GLG1: variants seen among roughly 807,000 people sequenced by gnomAD.
GLG1 encodes Golgi apparatus protein 1.
GLG1 carries 38 observed loss-of-function variants against 160.5 expected under a neutral mutation model. That is an observed-to-expected ratio of 0.24 (90% CI 0.18 to 0.31). GLG1 has a LOEUF of 0.31. Ranked by LOEUF, GLG1 falls within the 10% of genes least tolerant of loss-of-function variation. The pLI, the probability that GLG1 is intolerant of heterozygous loss-of-function variation, is 1.00. For missense variants in GLG1, 1,373 were observed against 1,505.2 expected, an observed-to-expected ratio of 0.91 and a Z score of 1.45; for synonymous variants, 644 against 543.4, an observed-to-expected ratio of 1.19 and a Z score of -2.57.
intron 25 of GLG1, among the ~76,000 whole-genome samples, chr16:74,456,025 A>G (rs1221844886): frequency 1.3e-5 from 2 of 152,210 alleles, no homozygotes; most frequent in African/African-American, 2.4e-5. Context: ...AGTGTCCTAC[A>G]GTCTTTCTTC....
intron 1 of GLG1, among the ~76,000 whole-genome samples, chr16:74,548,002 C>T (rs1411744499): frequency 6.6e-6 from 1 of 152,238 alleles, no homozygotes; most frequent in Non-Finnish European, 1.5e-5. Context: ...TCAGTCGCGG[C>T]TCACTGCAAC....
intron 1 of GLG1, among the ~76,000 whole-genome samples, chr16:74,564,496 T>A (rs1018455615): frequency 6.6e-6 from 1 of 152,226 alleles, no homozygotes; most frequent in East Asian, 1.9e-4. Context: ...CAGCCATCTA[T>A]GTAAGTTCAA....
intron 1 of GLG1, among the ~76,000 whole-genome samples, chr16:74,561,558 A>C (rs1262507156): frequency 6.6e-6 from 1 of 152,162 alleles, no homozygotes; most frequent in African/African-American, 2.4e-5. Context: ...GCAGGACAAA[A>C]ATTAACTGAA....
At chr16:74,550,602 A>G (rs1317495078) in intron 1 of GLG1, among the ~76,000 whole-genome samples, 1 of 152,196 alleles carries the variant, frequency 6.6e-6, no homozygotes, top group African/African-American at 2.4e-5. Flanking sequence ...ATTAAAGAGT[A>G]TTTTTTAATT....
At chr16:74,606,611 G>C in intron 1 of GLG1, 46 bp downstream of exon 1, 2 of 1,493,062 alleles carry the variant, frequency 1.3e-6, no homozygotes, top group Non-Finnish European at 9.0e-7. Context: ...AACACCCTCG[G>C]GCCCGCACCA....
chr16:74,556,042 T>C (rs960769140), intron 1 of GLG1, among the ~76,000 whole-genome samples: 1 of 152,158 alleles, frequency 6.6e-6, no homozygotes, highest in Non-Finnish European at 1.5e-5. Context: ...TCTCACTATG[T>C]TGCCTGAGCT....
At chr16:74,590,392 C>T (rs1037607822) in intron 1 of GLG1, among the ~76,000 whole-genome samples, 3 of 151,826 alleles carry the variant, frequency 2.0e-5, no homozygotes, top group South Asian at 2.1e-4. Flanking sequence ...CCGAAGCAGG[C>T]GGATCACCTG....
Position 74,491,064 on chromosome 16 carries a change from T to G in GLG1, c.1386A>C (p.Leu462=), listed in dbSNP as rs778107043. 3 of 1,614,190 alleles carry G rather than the reference T, an allele frequency of 1.9e-6. No homozygotes were observed. Among genetic ancestry groups the G allele is most frequent in the Non-Finnish European group, 2.5e-6 (3 of 1,180,008 alleles). ...CTCGAACTACTTTCATCAGACAGTG[T>G]AGGGTCCGCCCTTTTCGATGTAATC... ...CSGLHRKGRT[L]HCLMKVVRGE... Residue 462 remains leucine, a synonymous_variant, in exon 8 of 26, where the codon CTA becomes CTC. Coordinates refer to ENST00000422840, the MANE Select transcript of GLG1 (RefSeq NM_001145667.2).
intron 10 of GLG1, among the ~76,000 whole-genome samples, chr16:74,480,633 T>C (rs1160421735): frequency 6.6e-6 from 1 of 151,860 alleles, no homozygotes; most frequent in African/African-American, 2.4e-5. Context: ...CTTGACTCAC[T>C]GGAACCTCCG....
chr16:74,498,447 A>AAATATATATAT (rs1491293119), intron 4 of GLG1, among the ~76,000 whole-genome samples: 1 of 8,208 alleles, frequency 1.2e-4, no homozygotes, highest in Non-Finnish European at 3.9e-4. Context: ...AAAAAAAAAA[A>AAATATATATAT]GTATATATAT....
chr16:74,467,551 G>C (rs1374100833), intron 18 of GLG1, among the ~76,000 whole-genome samples: 1 of 152,188 alleles, frequency 6.6e-6, no homozygotes, highest in African/African-American at 2.4e-5. Context: ...AAATGAGTTA[G>C]AGAGGAGTGC....
chr16:74,459,953 T>A (rs1275586575), intron 22 of GLG1, among the ~76,000 whole-genome samples, 164 bp from the exon 23 acceptor site: 1 of 151,942 alleles, frequency 6.6e-6, no homozygotes, highest in African/African-American at 2.4e-5. Context: ...CCTCCTAGGT[T>A]CAAGTGATTC....
intron 13 of GLG1, among the ~76,000 whole-genome samples, chr16:74,473,501 G>A (rs1055249184): frequency 4.8e-5 from 7 of 146,934 alleles, no homozygotes; most frequent in East Asian, 2.0e-4. Flanking sequence ...GTGCAGTGGC[G>A]TGATCTCGGC....
chr16:74,466,715 G>A (rs2015012752), intron 18 of GLG1, among the ~76,000 whole-genome samples: 1 of 152,136 alleles, frequency 6.6e-6, no homozygotes, highest in Non-Finnish European at 1.5e-5. Context: ...ATGAAAAGAA[G>A]CAATGAGAAA....
At chr16:74,534,099 A>C (rs1597319562) in intron 1 of GLG1, among the ~76,000 whole-genome samples, 2 of 152,162 alleles carry the variant, frequency 1.3e-5, no homozygotes, top group Admixed American at 1.3e-4. Context: ...AATTGACTTT[A>C]ATTAGGTTGC....
At chr16:74,536,494 G>C (rs1184703379) in intron 1 of GLG1, among the ~76,000 whole-genome samples, 3 of 152,156 alleles carry the variant, frequency 2.0e-5, no homozygotes, top group African/African-American at 7.2e-5. Context: ...CTAATCTCAA[G>C]TTGTTTACAA....
At chr16:74,541,183 G>A (rs2017855703) in intron 1 of GLG1, among the ~76,000 whole-genome samples, 1 of 152,152 alleles carries the variant, frequency 6.6e-6, no homozygotes, top group South Asian at 2.1e-4. Context: ...GATTAGCCAG[G>A]CGTGGTGGCG....
Position 74,582,828 on chromosome 16 carries a change from T to TAAATA in GLG1, c.438+23824_438+23828dup, listed in dbSNP as rs144626583. Among the ~76,000 whole-genome samples the TAAATA allele has an allele frequency of 5.9e-3, 867 of 147,614 alleles. 11 individuals carry two copies. Among genetic ancestry groups the TAAATA allele is most frequent in the Middle Eastern group, 0.014 (4 of 292 alleles). The stretch of plus-strand genomic sequence containing the variant: ...AGAGTGAGACTCCTTCTCAAAAAAA[T>TAAATA]AAATAAAATAAAATAAAATAAAATA... On this transcript the variant is annotated intron_variant, in intron 1 of 25. Transcript: ENST00000422840.
chr16:74,504,922 A>G (rs2016541998), intron 3 of GLG1, among the ~76,000 whole-genome samples: 1 of 152,274 alleles, frequency 6.6e-6, no homozygotes, highest in Admixed American at 6.5e-5. Flanking sequence ...ATAGAATTAT[A>G]AGCTTAAATT....
Sources: allele counts gnomAD v4.1 joint callset (sites outside exome capture counted in the v4.1 genomes callset), GRCh38; gene constraint gnomAD v4.1.1; transcripts MANE v1.5; gene names NCBI Gene and HGNC (gene_info 2026-07-23, HGNC 2026-07-21).